The following RUNX2 variants were observed in gnomAD, a reference collection of about 807,000 sequenced individuals.
RUNX2 encodes the protein runt-related transcription factor 2.
In RUNX2, 10 loss-of-function variants were observed where a neutral mutation model predicts 51.7. That is an observed-to-expected ratio of 0.19 (90% CI 0.12 to 0.33). The LOEUF is 0.33. Ranked by LOEUF, RUNX2 falls within the 10% of genes least tolerant of loss-of-function variation. The pLI, the probability that RUNX2 is intolerant of heterozygous loss-of-function variation, is 1.00. For synonymous variants in RUNX2, 276 were observed against 273.6 expected (o/e 1.01, Z -0.09); for missense variants, 562 against 691.3 (o/e 0.81, Z 2.10).
chr6:45,406,189 T>G (rs766442452), intron 2 of RUNX2, among the ~76,000 whole-genome samples: 2 of 152,168 alleles, frequency 1.3e-5, no homozygotes, highest in Non-Finnish European at 2.9e-5. Flanking sequence ...GTAAACACCC[T>G]CTGTTGTCTC....
chr6:45,434,818 A>AT (rs1226163913), intron 4 of RUNX2, among the ~76,000 whole-genome samples: 1 of 152,172 alleles, frequency 6.6e-6, no homozygotes, highest in African/African-American at 2.4e-5. Flanking sequence ...AACAGGCTGT[A>AT]TTTTATCACT....
chr6:45,339,163 A>T (rs542515347), intron 2 of RUNX2, among the ~76,000 whole-genome samples: 9 of 152,266 alleles, frequency 5.9e-5, no homozygotes, highest in Admixed American at 2.0e-4. Flanking sequence ...ATAAGGCTTT[A>T]AGAAAAAAGG....
At chr6:45,542,866 A>G (rs2150449637) in intron 7 of RUNX2, among the ~76,000 whole-genome samples, 1 of 152,252 alleles carries the variant, frequency 6.6e-6, no homozygotes, top group South Asian at 2.1e-4. Flanking sequence ...TGATTTTGTG[A>G]TATTGAGTAA....
intron 5 of RUNX2, among the ~76,000 whole-genome samples, chr6:45,480,861 C>G: frequency 6.6e-6 from 1 of 152,130 alleles, no homozygotes; most frequent in Admixed American, 6.6e-5. Flanking sequence ...CTGTCTTTTT[C>G]TTTTTTCTTC....
chr6:45,414,988 T>C (rs1798035728), intron 2 of RUNX2, among the ~76,000 whole-genome samples: 3 of 152,088 alleles, frequency 2.0e-5, no homozygotes, highest in African/African-American at 7.2e-5. Flanking sequence ...CTTTAAAATA[T>C]ATGTCCTCTA....
chr6:45,484,112 A>C (rs1800198119), intron 5 of RUNX2, among the ~76,000 whole-genome samples: 1 of 152,138 alleles, frequency 6.6e-6, no homozygotes, highest in Non-Finnish European at 1.5e-5. Context: ...GGAAGCTAAG[A>C]CCAACAGGGT....
chr6:45,415,557 G>A (rs1004690645), intron 2 of RUNX2, among the ~76,000 whole-genome samples: 3 of 152,172 alleles, frequency 2.0e-5, no homozygotes, highest in Non-Finnish European at 4.4e-5. Context: ...TCTGGCTACC[G>A]GTGCTTCAGG....
intron 2 of RUNX2, among the ~76,000 whole-genome samples, chr6:45,399,354 T>C (rs916730595): frequency 8.0e-5 from 7 of 87,596 alleles, no homozygotes; most frequent in African/African-American, 3.5e-4. Flanking sequence ...CTTTCCTTTT[T>C]TTTTTTTTTT....
At chr6:45,348,702 A>G (rs1581786069) in intron 2 of RUNX2, among the ~76,000 whole-genome samples, 2 of 151,792 alleles carry the variant, frequency 1.3e-5, no homozygotes, top group South Asian at 2.1e-4. Context: ...ATTGGCAATA[A>G]TATCATTCAA....
At chr6:45,414,833 T>C (rs1387181842) in intron 2 of RUNX2, among the ~76,000 whole-genome samples, 2 of 150,886 alleles carry the variant, frequency 1.3e-5, no homozygotes, top group African/African-American at 4.9e-5. Flanking sequence ...CAGGATTTTG[T>C]TTATGTGTAT....
At chr6:45,543,710 A>G (rs984901571) in intron 7 of RUNX2, among the ~76,000 whole-genome samples, 5 of 152,158 alleles carry the variant, frequency 3.3e-5, no homozygotes, top group African/African-American at 1.2e-4. Context: ...TGACACAAGG[A>G]TGACTAGTTT....
intron 2 of RUNX2, among the ~76,000 whole-genome samples, chr6:45,410,700 C>T (rs1459512895): frequency 6.6e-6 from 1 of 152,140 alleles, no homozygotes; most frequent in South Asian, 2.1e-4. Context: ...AAGGAGCACA[C>T]AGTTCTGTGT....
At chr6:45,379,822 C>T (rs1284747718) in intron 2 of RUNX2, among the ~76,000 whole-genome samples, 12 of 151,866 alleles carry the variant, frequency 7.9e-5, no homozygotes, top group Non-Finnish European at 1.5e-4. Context: ...GCCGAGATCA[C>T]GCCGCTGCTC....
chr6:45,412,902 C>T (rs554124509), intron 2 of RUNX2, among the ~76,000 whole-genome samples: 77 of 152,232 alleles, frequency 5.1e-4, no homozygotes, highest in African/African-American at 1.8e-3. Flanking sequence ...TGTGCCACCA[C>T]ACTCGGCTGA....
At chr6:45,409,736 A>G (rs1259705042) in intron 2 of RUNX2, among the ~76,000 whole-genome samples, 1 of 152,228 alleles carries the variant, frequency 6.6e-6, no homozygotes, top group Admixed American at 6.5e-5. Flanking sequence ...ATTCAGGTCT[A>G]AAGATAATTT....
chr6:45,389,404 A>T (rs1006015250), intron 2 of RUNX2, among the ~76,000 whole-genome samples: 8 of 152,156 alleles, frequency 5.3e-5, no homozygotes, highest in Non-Finnish European at 1.2e-4. Context: ...GATCATAAAG[A>T]CTCATTTTTC....
intron 2 of RUNX2, among the ~76,000 whole-genome samples, chr6:45,405,728 A>G (rs939937661): frequency 2.0e-5 from 3 of 152,112 alleles, no homozygotes; most frequent in Non-Finnish European, 4.4e-5. Context: ...CAGAGGTTGC[A>G]GTGAGCTGAG....
intron 2 of RUNX2, among the ~76,000 whole-genome samples, chr6:45,362,730 T>C (rs1049682743): frequency 6.6e-6 from 1 of 152,204 alleles, no homozygotes; most frequent in African/African-American, 2.4e-5. Flanking sequence ...CTTCCAGAGC[T>C]GTAGCCAACA....
At chr6:45,483,034 G>A (rs1042959647) in intron 5 of RUNX2, among the ~76,000 whole-genome samples, 3 of 152,186 alleles carry the variant, frequency 2.0e-5, no homozygotes, top group Non-Finnish European at 4.4e-5. Context: ...CATCAGAGAA[G>A]AATCTTCTGG....
Sources: allele counts gnomAD v4.1 joint callset (sites outside exome capture counted in the v4.1 genomes callset), GRCh38; gene constraint gnomAD v4.1.1; transcripts MANE v1.5; gene names NCBI Gene and HGNC (gene_info 2026-07-23, HGNC 2026-07-21).